ANK2: variants seen among roughly 807,000 people sequenced by gnomAD.
The protein encoded by ANK2 is ankyrin-2.
A neutral mutation model predicts 360.5 loss-of-function variants in ANK2; 83 were observed. That is an observed-to-expected ratio of 0.23 (90% CI 0.19 to 0.28). The LOEUF is 0.28. Ranked by LOEUF, ANK2 falls within the 10% of genes least tolerant of loss-of-function variation. ANK2 has a pLI of 1.00. For synonymous variants in ANK2, 1,740 were observed against 1,759.5 expected (o/e 0.99, Z 0.28); for missense variants, 4,201 against 4,795.7 (o/e 0.88, Z 3.66).
chr4:113,366,023 C>T (rs930222014), intron 41 of ANK2, among the ~76,000 whole-genome samples: 1 of 152,160 alleles, frequency 6.6e-6, no homozygotes, highest in Non-Finnish European at 1.5e-5. Context: ...ACCACTAGAC[C>T]ATACCCAACA....
intron 2 of ANK2, among the ~76,000 whole-genome samples, chr4:112,973,129 T>G (rs1007226678): frequency 6.7e-6 from 1 of 150,168 alleles, no homozygotes. Context: ...AAAGAACTTA[T>G]CTGTGTAACC....
chr4:113,091,130 A>G (rs1275147033), intron 1 of ANK2, among the ~76,000 whole-genome samples: 3 of 152,206 alleles, frequency 2.0e-5, no homozygotes, highest in Admixed American at 2.0e-4. Flanking sequence ...TCTTTGAACC[A>G]TATCATAAAA....
upstream of ANK2, among the ~76,000 whole-genome samples, chr4:113,044,994 G>A (rs1335517834): frequency 3.3e-5 from 5 of 152,140 alleles, no homozygotes; most frequent in African/African-American, 1.2e-4. Flanking sequence ...AAAGCCTTTT[G>A]AGGGCTTTAG....
In ANK2 at chr4:112,834,133, A is replaced by T. The variant is rs1031604896; in HGVS notation, c.-40+15869A>T. On this transcript the variant is annotated intron_variant, in intron 1 of 30. Transcript: ENST00000503271. Reference sequence around the variant, plus strand: ...ATGAAAAAGTTCAGACATACACACAACTAGAACGTATAATGGACCCCCAGG... The same window carrying T: ...ATGAAAAAGTTCAGACATACACACATCTAGAACGTATAATGGACCCCCAGG... Among the ~76,000 whole-genome samples, 5 of 152,226 alleles carry T rather than the reference A, an allele frequency of 3.3e-5. No individual in the cohort carries two copies. In the East Asian group the frequency reaches 9.6e-4, roughly 29 times the overall value.
rs185677898 is a variant in ANK2 at position 113,134,434 on chromosome 4, G to A, written c.85-39982G>A. On this transcript the variant is annotated intron_variant, in intron 1 of 45. Coordinates refer to ENST00000357077, the MANE Select transcript of ANK2 (RefSeq NM_001148.6). ...GCATAGAGATCTCTGAATGCCTCTT[G>A]TGCTCTGCTGAACAATGAGGCCAAG... Among the ~76,000 whole-genome samples, 413 of 151,864 alleles carry A rather than the reference G, an allele frequency of 2.7e-3. 1 individual carries two copies. The highest frequency in any genetic ancestry group is 5.1e-3 in the Non-Finnish European group (345 of 67,940).
chr4:113,295,801 G>A (rs759750028), intron 22 of ANK2, among the ~76,000 whole-genome samples: 8 of 152,078 alleles, frequency 5.3e-5, no homozygotes, highest in African/African-American at 1.7e-4. Context: ...TACATGTTTC[G>A]ATGCTGGTCT....
chr4:113,109,263 AGCTCAATTATT>A (rs2094010789), intron 1 of ANK2, among the ~76,000 whole-genome samples: 1 of 152,186 alleles, frequency 6.6e-6, no homozygotes, highest in African/African-American at 2.4e-5. Flanking sequence ...CCTTGTTCAC[AGCTCAATTATT>A]TGAAGTCTTT....
intron 2 of ANK2, among the ~76,000 whole-genome samples, chr4:112,944,116 CA>C (rs1461247426): frequency 5.9e-5 from 9 of 152,172 alleles, no homozygotes; most frequent in Non-Finnish European, 1.2e-4. Context: ...ACATAGCAAT[CA>C]GGCATTAAAT....
chr4:113,366,976 A>C (rs2096561586), intron 41 of ANK2, among the ~76,000 whole-genome samples: 1 of 152,196 alleles, frequency 6.6e-6, no homozygotes, highest in Admixed American at 6.5e-5. Flanking sequence ...TCCTCTGCTA[A>C]ACATCTTTCA....
At position 113,342,927 on chromosome 4, in the gene ANK2, T is replaced by A. The variant is rs545064615; in HGVS notation, c.4123-90T>A. On this transcript the variant is annotated intron_variant, in intron 33 of 45. Transcript: ENST00000357077. ...TGGTTGTATGTGTATTATAAGAATT[T>A]GAAGTTCCAAGTAGTACTACCACTT... is the stretch of plus-strand genomic sequence containing the variant. 1.3e-3 allele frequency: 2,033 copies of A among 1,526,070 alleles called. 3 individuals are homozygous for A. The highest frequency in any genetic ancestry group is 1.7e-3 in the Non-Finnish European group (1,928 of 1,108,104). 94.5% of individuals were successfully genotyped at this position (1,526,070 alleles called of 1,614,324 possible). A position where few individuals can be genotyped will look rare whatever the true frequency, so the allele number is the denominator to read the frequency against.
chr4:113,198,714 A>G (rs1207146274), intron 3 of ANK2, among the ~76,000 whole-genome samples: 2 of 152,086 alleles, frequency 1.3e-5, no homozygotes, highest in Admixed American at 1.3e-4. Flanking sequence ...CATGAATCTC[A>G]TGAGATATTG....
intron 1 of ANK2, among the ~76,000 whole-genome samples, chr4:112,845,856 T>TC (rs1186347200): frequency 6.6e-6 from 1 of 152,194 alleles, no homozygotes; most frequent in East Asian, 1.9e-4. Context: ...CATCGGTGGT[T>TC]CTGGGGTAGG....
At chr4:113,328,737 T>C (rs1448410886) in intron 26 of ANK2, among the ~76,000 whole-genome samples, 1 of 152,202 alleles carries the variant, frequency 6.6e-6, no homozygotes, top group East Asian at 1.9e-4. Flanking sequence ...TCATCCTGCA[T>C]GACATGCTTC....
chr4:113,075,809 C>A (rs562944181), intron 1 of ANK2, among the ~76,000 whole-genome samples: 1 of 152,250 alleles, frequency 6.6e-6, no homozygotes, highest in East Asian at 1.9e-4. Flanking sequence ...TTCCTTTTCC[C>A]AAATCGTATT....
At chr4:113,341,964 C>G (rs1255020387) in intron 33 of ANK2, 48 bp downstream of exon 33, 8 of 1,372,368 alleles carry the variant, frequency 5.8e-6, no homozygotes, top group Non-Finnish European at 7.2e-6. Flanking sequence ...GTTGTTATAC[C>G]TGCATTAATA....
At chr4:113,258,536 C>A in intron 13 of ANK2, 125 bp downstream of exon 13, 1 of 865,244 alleles carries the variant, frequency 1.2e-6, no homozygotes. Context: ...GAGAAGGGCC[C>A]TTGTAATAAC....
At chr4:112,914,746 G>T (rs970968498) in intron 2 of ANK2, among the ~76,000 whole-genome samples, 3 of 152,166 alleles carry the variant, frequency 2.0e-5, no homozygotes, top group African/African-American at 7.2e-5. Context: ...GGCACCCACT[G>T]TTTCCTAAAA....
At chr4:112,851,791 T>G (rs1329484860) in intron 1 of ANK2, among the ~76,000 whole-genome samples, 1 of 152,074 alleles carries the variant, frequency 6.6e-6, no homozygotes, top group Admixed American at 6.5e-5. Flanking sequence ...ACCTGGCTAA[T>G]TTTTGTATTT....
intron 2 of ANK2, among the ~76,000 whole-genome samples, chr4:113,025,003 T>A (rs557317871): frequency 6.6e-6 from 1 of 152,280 alleles, no homozygotes; most frequent in South Asian, 2.1e-4. Flanking sequence ...ATACCATTGA[T>A]TCATTACTCT....
Sources: allele counts gnomAD v4.1 joint callset (sites outside exome capture counted in the v4.1 genomes callset), GRCh38; gene constraint gnomAD v4.1.1; transcripts MANE v1.5; gene names NCBI Gene and HGNC (gene_info 2026-07-23, HGNC 2026-07-21).